PARP8: variants seen among roughly 807,000 people sequenced by gnomAD.
The protein encoded by PARP8 is poly(ADP-ribose) polymerase family member 8, also known as protein mono-ADP-ribosyltransferase PARP8.
PARP8 carries 51 observed loss-of-function variants against 124.1 expected under a neutral mutation model. The observed-to-expected ratio is 0.41, with a 90% CI of 0.33 to 0.52. The LOEUF is 0.52. Among genes scored for constraint, PARP8 ranks in the 20% least tolerant of loss-of-function variants. The pLI is 0.21. For synonymous variants in PARP8, 391 were observed against 361.5 expected (o/e 1.08, Z -0.93); for missense variants, 860 against 1,018.9 (o/e 0.84, Z 2.12).
rs1321783981 is a variant in PARP8, at chr5:50,735,296, T to A, written c.147-14855T>A. On this transcript the variant is annotated intron_variant, in intron 2 of 25. Transcript: ENST00000281631. ...ATATCAAGTGTAATATTTTCATGAT[T>A]TTGGGCTTGTTGAATTATAGATAAA... Among the ~76,000 whole-genome samples the A allele has an allele frequency of 2.0e-5, 3 of 152,156 alleles. No homozygotes were observed. The East Asian group carries it at 5.8e-4, about 29-fold the overall frequency.
chr5:50,835,104 C>A, intron 25 of PARP8, 89 bp downstream of exon 25: 1 of 1,018,846 alleles, frequency 9.8e-7, no homozygotes, highest in Non-Finnish European at 1.5e-6. Flanking sequence ...TCTTTAGCTG[C>A]CAAAATATAA....
intron 3 of PARP8, among the ~76,000 whole-genome samples, chr5:50,754,918 A>C (rs1759749350): frequency 6.6e-6 from 1 of 152,052 alleles, no homozygotes; most frequent in South Asian, 2.1e-4. Flanking sequence ...TTTGATTTGC[A>C]TTTCTCTGAT....
intron 2 of PARP8, among the ~76,000 whole-genome samples, chr5:50,724,908 C>T (rs771804187): frequency 3.3e-5 from 5 of 151,902 alleles, no homozygotes; most frequent in Non-Finnish European, 7.4e-5. Flanking sequence ...TTTGCCTTTG[C>T]GTACTCGTAG....
chr5:50,817,970 T>C (rs767013473), intron 15 of PARP8, among the ~76,000 whole-genome samples: 11 of 152,094 alleles, frequency 7.2e-5, no homozygotes, highest in Non-Finnish European at 1.5e-4. Flanking sequence ...ATGTCCTAAT[T>C]TTTCTTGCTT....
At chr5:50,754,150 T>TATACACACAC (rs1312947286) in intron 3 of PARP8, among the ~76,000 whole-genome samples, 2 of 37,196 alleles carry the variant, frequency 5.4e-5, no homozygotes, top group African/African-American at 2.4e-4. Context: ...TATATATATA[T>TATACACACAC]ACACACACAC....
intron 22 of PARP8, 149 bp downstream of exon 22, chr5:50,830,110 A>G (rs1746780777): frequency 1.1e-6 from 1 of 927,508 alleles, no homozygotes; most frequent in South Asian, 3.2e-5. Flanking sequence ...AACAAAGCCC[A>G]TTTTCAAGAT....
chr5:50,759,721 GA>G lies in PARP8; in HGVS notation c.265del (p.Ile89Ter), dbSNP rs1760350433. 2 of 1,539,810 alleles carry G rather than the reference GA, an allele frequency of 1.3e-6. No individual in the cohort carries two copies. The highest frequency in any genetic ancestry group is 2.9e-5 in the African/African-American group (2 of 69,998). ...GAGCCAATACCAGTAATTTTTCATA[GA>G]ATAGCAACAGGTAATAGTAGTATTA... Reference protein sequence around the residue: ...TTEPIPVIFHRIATELRKTND... With the variant: ...TTEPIPVIFHXIATELRKTND... On this transcript the variant is annotated frameshift_variant, in exon 4 of 26. Transcript: ENST00000281631. LOFTEE classifies it high-confidence loss of function.
chr5:50,682,850 A>C (rs185552564), intron 2 of PARP8, among the ~76,000 whole-genome samples: 6 of 152,146 alleles, frequency 3.9e-5, no homozygotes, highest in Admixed American at 1.3e-4. Context: ...CAGTTTTTCT[A>C]TGATCTCTTA....
intron 2 of PARP8, among the ~76,000 whole-genome samples, chr5:50,696,869 C>T (rs1380924925): frequency 3.9e-5 from 6 of 152,108 alleles, no homozygotes; most frequent in Admixed American, 3.9e-4. Flanking sequence ...CAGGACTTAA[C>T]CTTCCTCTGT....
chr5:50,803,613 T>C (rs1212755708), intron 14 of PARP8, among the ~76,000 whole-genome samples: 2 of 152,170 alleles, frequency 1.3e-5, no homozygotes, highest in Non-Finnish European at 2.9e-5. Context: ...AAATCTGATT[T>C]TTTATTTCAG....
At chr5:50,722,191 G>A (rs1374329016) in intron 2 of PARP8, among the ~76,000 whole-genome samples, 1 of 152,052 alleles carries the variant, frequency 6.6e-6, no homozygotes, top group Non-Finnish European at 1.5e-5. Context: ...ATTATATATA[G>A]TTGTTTTTCT....
At chr5:50,703,532 C>A (rs1207326015) in intron 2 of PARP8, among the ~76,000 whole-genome samples, 1 of 152,072 alleles carries the variant, frequency 6.6e-6, no homozygotes, top group Non-Finnish European at 1.5e-5. Context: ...ACAGCTTATT[C>A]ATCATTCCAC....
rs751903820 is a variant in PARP8 at position 50,797,261 on chromosome 5, G to A, written c.1575+28G>A. 7 of 1,475,774 alleles carry A rather than the reference G, an allele frequency of 4.7e-6. No homozygotes were observed. The East Asian group carries it at 6.9e-5, about 15-fold the overall frequency. 91.4% of individuals were successfully genotyped at this position (1,475,774 alleles called of 1,614,324 possible). ...AAGTTCTTGCTGATAGAATGTCCGT[G>A]TTGGTTTAGAATATAGAAATATAGA... is the stretch of plus-strand genomic sequence containing the variant. On this transcript the variant is annotated intron_variant, in intron 14 of 25. Transcript: ENST00000281631.
At chr5:50,822,526 T>G (rs923587217) in intron 17 of PARP8, 126 bp downstream of exon 17, 4 of 689,432 alleles carry the variant, frequency 5.8e-6, no homozygotes, top group Non-Finnish European at 1.0e-5. Context: ...TAAGATGTTT[T>G]AATTAAATCA....
chr5:50,744,884 A>T lies in PARP8; in HGVS notation c.147-5267A>T, dbSNP rs1380349409. On this transcript the variant is annotated intron_variant, in intron 2 of 25. Coordinates refer to ENST00000281631, the MANE Select transcript of PARP8 (RefSeq NM_024615.4). ...TTCTTGACAATATTTTCTGCCTGCT[A>T]CATGGCATTTATTATGTACAGCACA... 5 of 663,552 alleles carry T rather than the reference A, an allele frequency of 7.5e-6. No individual in the cohort carries two copies. In the African/African-American group the frequency reaches 9.1e-5, roughly 12 times the overall value. The allele number at this position is 663,552 out of a possible 1,614,324, so 41.1% of individuals were successfully genotyped here.
chr5:50,824,765 G>C (rs1280125688), intron 17 of PARP8, 143 bp from the exon 18 acceptor site: 1 of 640,298 alleles, frequency 1.6e-6, no homozygotes, highest in Non-Finnish European at 2.8e-6. Flanking sequence ...AAAGACTAGG[G>C]CAATTGTTGT....
In PARP8 at chr5:50,740,350, G is replaced by A. The variant is rs547530666; in HGVS notation, c.147-9801G>A. ...GACTGAGTTAACCAGGTCAAAAGGA[G>A]GAGGGGAGAGAGAATTCCAGGCAGA... On this transcript the variant is annotated intron_variant, in intron 2 of 25. Transcript: ENST00000281631. 2.0e-5 allele frequency among the ~76,000 whole-genome samples: 3 copies of A among 152,144 alleles called. No individual in the cohort carries two copies. The South Asian group carries it at 6.2e-4, about 31-fold the overall frequency.
Position 50,828,031 on chromosome 5 carries a change from C to T in PARP8, c.2065C>T (p.Leu689Phe). ...KESNFRAAKK[L>F]FGSTFAFHGS... ...ATCCAATTTTAGAGCTGCTAAAAAA[C>T]TCTTTGGAAGCACCTTTGCATTTCA... Residue 689 changes from leucine (L) to phenylalanine (F), a missense_variant, in exon 20 of 26, where the codon CTC becomes TTC. Physicochemically the swap from Leu to Phe is conservative, Grantham distance 22 (BLOSUM62 0). Around this residue, in one of 2 missense-constraint regions of PARP8, gnomAD observed 343 missense variants for 474.7 expected, o/e 0.72. Coordinates refer to ENST00000281631, the MANE Select transcript of PARP8 (RefSeq NM_024615.4). 6.2e-7 allele frequency: 1 copy of T among 1,611,754 alleles called. No homozygotes were observed. Among genetic ancestry groups the T allele is most frequent in the Non-Finnish European group, 8.5e-7 (1 of 1,177,968 alleles).
Position 50,841,963 on chromosome 5 carries a change from C to T in PARP8, c.2463-3C>T. On this transcript the variant is annotated splice_region_variant and splice_polypyrimidine_tract_variant and intron_variant, in intron 25 of 25. Coordinates refer to ENST00000281631, the MANE Select transcript of PARP8 (RefSeq NM_024615.4). ...TTTTATATTTTTATGTTTTGTATTT[C>T]AGCTATGAAGACGGCCAAGTGGGAG... 1 of 1,570,630 alleles carries T rather than the reference C, an allele frequency of 6.4e-7. No homozygotes were observed. Among genetic ancestry groups the T allele is most frequent in the South Asian group, 1.2e-5 (1 of 86,756 alleles).
Sources: allele counts gnomAD v4.1 joint callset (sites outside exome capture counted in the v4.1 genomes callset), GRCh38; gene constraint gnomAD v4.1.1; regional missense constraint gnomAD v4.1.1; transcripts MANE v1.5; gene names NCBI Gene and HGNC (gene_info 2026-07-23, HGNC 2026-07-21).